The following REV3L variants were observed in gnomAD, a reference collection of about 807,000 sequenced individuals.
REV3L encodes the protein DNA polymerase zeta catalytic subunit.
In REV3L, 69 loss-of-function variants were observed where a neutral mutation model predicts 299.4. The observed-to-expected ratio is 0.23, with a 90% CI of 0.19 to 0.28. The LOEUF (loss-of-function observed/expected upper bound fraction) is 0.28, where lower values mean the gene tolerates loss of function less well. REV3L is among the 10% of genes least tolerant of loss of function. The pLI is 1.00. For missense variants in REV3L, 3,128 were observed against 3,693.8 expected, an observed-to-expected ratio of 0.85 and a Z score of 3.97; for synonymous variants, 1,238 against 1,271.4, an observed-to-expected ratio of 0.97 and a Z score of 0.56.
At position 111,375,501 on chromosome 6, in the gene REV3L, C is replaced by A. The variant is rs1357781774; in HGVS notation, c.2854G>T (p.Gly952Cys). Residue 952 changes from glycine to cysteine, a missense_variant, in exon 13 of 32, where the codon GGT (glycine) becomes TGT (cysteine). Gly to Cys is a radical substitution (Grantham distance 159). Coordinates refer to ENST00000368802, the MANE Select transcript of REV3L (RefSeq NM_001372078.1). ...TTGAGAGTTCCATCTAAACTTTCAC[C>A]AATTTCCATGGGATGAGGTAGACTA... is the stretch of plus-strand genomic sequence containing the variant. ...KISLPHPMEI[G>C]ESLDGTLKSR... 2 of 1,606,734 alleles carry A rather than the reference C, an allele frequency of 1.2e-6. No homozygotes were observed. Among genetic ancestry groups the A allele is most frequent in the Admixed American group, 1.7e-5 (1 of 58,344 alleles).
chr6:111,312,046 C>G (rs961707638), intron 28 of REV3L: 5 of 152,078 alleles, frequency 3.3e-5, no homozygotes, highest in Admixed American at 3.3e-4. Flanking sequence ...CCTCATGATC[C>G]GCCCGCCTCG....
intron 1 of REV3L, among the ~76,000 whole-genome samples, chr6:111,447,764 A>G (rs1490119753): frequency 6.6e-6 from 1 of 152,118 alleles, no homozygotes; most frequent in African/African-American, 2.4e-5. Context: ...TAGTTGGTCA[A>G]CCCCTCTTTC....
chr6:111,314,259 A>G (rs1773283109), intron 27 of REV3L, among the ~76,000 whole-genome samples: 1 of 152,194 alleles, frequency 6.6e-6, no homozygotes, highest in Admixed American at 6.5e-5. Flanking sequence ...GAAAGAATAT[A>G]TCTTCCATCC....
At chr6:111,330,993 G>C (rs1292686250) in intron 24 of REV3L, 2 of 985,164 alleles carry the variant, frequency 2.0e-6, no homozygotes, top group Admixed American at 6.1e-5. Context: ...GAATTTGAGG[G>C]CTGGTGGGGT....
chr6:111,430,559 C>T (rs1344197684), intron 1 of REV3L: 3 of 1,569,324 alleles, frequency 1.9e-6, no homozygotes, highest in Non-Finnish European at 1.7e-6. Flanking sequence ...AGAGCATAGA[C>T]TTCATGGCTG....
At position 111,341,859 on chromosome 6, in the gene REV3L, C is replaced by T. The variant is rs181343811; in HGVS notation, c.7538+2066G>A. On this transcript the variant is annotated intron_variant, in intron 21 of 31. Coordinates refer to ENST00000368802, the MANE Select transcript of REV3L (RefSeq NM_001372078.1). ...ACATGAGGCTGAATAAAGAGCAGCT[C>T]GCTGGGGGTTGAGTGTGGGCAGAAA... Among the ~76,000 whole-genome samples, 64 of 152,068 alleles carry T rather than the reference C, an allele frequency of 4.2e-4. 1 individual carries two copies. The highest frequency in any genetic ancestry group is 2.7e-3 in the Admixed American group (41 of 15,288).
At chr6:111,363,385 A>C (rs1457174330) in intron 16 of REV3L, among the ~76,000 whole-genome samples, 1 of 152,006 alleles carries the variant, frequency 6.6e-6, no homozygotes, top group Non-Finnish European at 1.5e-5. Flanking sequence ...AGCTCACTGC[A>C]CCCTCGAACT....
chr6:111,422,679 CGTATATATATAT>C (rs1433801033), intron 1 of REV3L, among the ~76,000 whole-genome samples: 1 of 24,946 alleles, frequency 4.0e-5, no homozygotes, highest in African/African-American at 1.3e-4. Context: ...TATATATATA[CGTATATATATAT>C]ATATATATAT....
intron 29 of REV3L, chr6:111,310,867 C>T (rs749600354): frequency 4.7e-5 from 20 of 424,242 alleles, no homozygotes; most frequent in Admixed American, 1.2e-4. Flanking sequence ...GCATAAGTTT[C>T]TGAAGGAAAG....
intron 5 of REV3L, among the ~76,000 whole-genome samples, chr6:111,391,653 G>A (rs1411308611): frequency 2.0e-5 from 3 of 152,140 alleles, no homozygotes; most frequent in South Asian, 2.1e-4. Context: ...TGTCAGCTGC[G>A]CTTGGTGGCT....
chr6:111,391,927 C>T (rs57703381), intron 5 of REV3L, among the ~76,000 whole-genome samples: 5 of 152,196 alleles, frequency 3.3e-5, no homozygotes, highest in African/African-American at 1.2e-4. Context: ...AGGCGGCGGT[C>T]GTAGTAAGCT....
chr6:111,346,261 T>C (rs934021430), intron 20 of REV3L, among the ~76,000 whole-genome samples: 2 of 152,234 alleles, frequency 1.3e-5, no homozygotes, highest in African/African-American at 4.8e-5. Flanking sequence ...AAAGCCTAGA[T>C]TGACTTGACA....
chr6:111,331,056 G>A (rs1197285587), intron 24 of REV3L: 2 of 973,704 alleles, frequency 2.1e-6, no homozygotes, highest in South Asian at 4.7e-5. Context: ...CAGACTCACT[G>A]CTAAGAAAAT....
Position 111,351,651 on chromosome 6 carries a change from ACAAAACATT to A in REV3L, c.7300+16_7300+24del. ...TTATAATTTGCTCTGTAGTTGAATG[ACAAAACATT>A]CACAATGACACATACCTGGCACCCG... On this transcript the variant is annotated intron_variant, in intron 19 of 31. Coordinates refer to ENST00000368802, the MANE Select transcript of REV3L (RefSeq NM_001372078.1). The A allele has an allele frequency of 3.2e-6, 5 of 1,544,948 alleles. No individual in the cohort carries two copies. Among genetic ancestry groups the A allele is most frequent in the Non-Finnish European group, 4.5e-6 (5 of 1,120,262 alleles).
At chr6:111,451,913 C>T (rs1789594368) in intron 1 of REV3L, among the ~76,000 whole-genome samples, 1 of 149,606 alleles carries the variant, frequency 6.7e-6, no homozygotes, top group Non-Finnish European at 1.5e-5. Flanking sequence ...AAAGATACCA[C>T]TAGAAAAATA....
chr6:111,421,036 G>A (rs1386736438), intron 1 of REV3L, among the ~76,000 whole-genome samples: 1 of 152,158 alleles, frequency 6.6e-6, no homozygotes, highest in East Asian at 1.9e-4. Context: ...GCTGAGGCAG[G>A]AGAATGGCGT....
chr6:111,395,194 T>C (rs1782364903), intron 4 of REV3L, among the ~76,000 whole-genome samples: 1 of 152,238 alleles, frequency 6.6e-6, no homozygotes, highest in African/African-American at 2.4e-5. Context: ...ATTTAGGCTC[T>C]TTTGTAGTTC....
intron 1 of REV3L, among the ~76,000 whole-genome samples, chr6:111,424,867 A>G (rs1185589873): frequency 2.6e-5 from 4 of 152,220 alleles, no homozygotes; most frequent in African/African-American, 4.8e-5. Context: ...AAATTTTACC[A>G]GTTGGGTCTA....
intron 1 of REV3L, among the ~76,000 whole-genome samples, chr6:111,450,280 C>A (rs1357463678): frequency 1.3e-5 from 2 of 151,556 alleles, no homozygotes; most frequent in Non-Finnish European, 2.9e-5. Context: ...GGAGTTAGAG[C>A]CCAGCCTGGG....
Sources: allele counts gnomAD v4.1 joint callset (sites outside exome capture counted in the v4.1 genomes callset), GRCh38; gene constraint gnomAD v4.1.1; transcripts MANE v1.5; gene names NCBI Gene and HGNC (gene_info 2026-07-23, HGNC 2026-07-21).